Variants in DNAH12 observed in about 807,000 individuals in gnomAD.
DNAH12 encodes axonemal beta dynein heavy chain 12.
Under a neutral mutation model 371.5 loss-of-function variants are expected in DNAH12, and 285 were observed. That is an observed-to-expected ratio of 0.77 (90% CI 0.70 to 0.85). The LOEUF is 0.85. Ranked by LOEUF, DNAH12 falls within the 40% of genes least tolerant of loss-of-function variation. The pLI is 0.00. For missense variants in DNAH12, 3,611 were observed against 3,689.4 expected, an observed-to-expected ratio of 0.98 and a Z score of 0.55; for synonymous variants, 1,200 against 1,213.0, an observed-to-expected ratio of 0.99 and a Z score of 0.22.
chr3:57,419,579 C>T, intron 36 of DNAH12, 61 bp from the exon 37 acceptor site: 1 of 1,227,848 alleles, frequency 8.1e-7, no homozygotes, highest in Non-Finnish European at 1.1e-6. Context: ...CTGAAAGGCT[C>T]TTTTCAACAT....
intron 4 of DNAH12, chr3:57,519,877 A>G: frequency 1.1e-6 from 1 of 947,488 alleles, no homozygotes; most frequent in Non-Finnish European, 1.7e-6. Flanking sequence ...ATCTCACTCC[A>G]CGGCCCAGCT....
intron 4 of DNAH12, among the ~76,000 whole-genome samples, chr3:57,514,814 T>C (rs1413316500): frequency 6.6e-6 from 1 of 152,184 alleles, no homozygotes; most frequent in Non-Finnish European, 1.5e-5. Flanking sequence ...AATTACCTAT[T>C]GAAAAGGAGT....
chr3:57,429,726 G>A lies in DNAH12; in HGVS notation c.5029C>T (p.Leu1677Phe), dbSNP rs1054737413. 1.0e-5 allele frequency: 16 copies of A among 1,534,694 alleles called. No individual in the cohort carries two copies. In the Admixed American group the frequency reaches 3.1e-4, roughly 30 times the overall value. The stretch of plus-strand genomic sequence containing the variant: ...GAAAGGTCCATTGTTTCAAAGATGA[G>A]GCTCATTTGGGGGGACATCTGAATG... ...EIIQMSPQMS[L>F]IFETMDLSQA... Residue 1677 changes from leucine (L) to phenylalanine (F), a missense_variant, in exon 33 of 74, where the codon CTC becomes TTC. Coordinates refer to ENST00000495027, the MANE Select transcript of DNAH12 (RefSeq NM_001366028.2).
intron 58 of DNAH12, among the ~76,000 whole-genome samples, chr3:57,357,667 C>T (rs2062830959): frequency 6.6e-6 from 1 of 152,078 alleles, no homozygotes; most frequent in Non-Finnish European, 1.5e-5. Context: ...TGAGACATAC[C>T]AAATAAGAAA....
In DNAH12 at chr3:57,508,532, T is replaced by C. The variant is rs1181699276; in HGVS notation, c.551A>G (p.Asp184Gly). Residue 184 changes from aspartate (D) to glycine (G), a missense_variant, in exon 7 of 74, where the codon GAT becomes GGT. Transcript: ENST00000495027. Reference protein sequence around the residue: ...GPLPESPVGLDYSNPWHSSYV... With the variant: ...GPLPESPVGLGYSNPWHSSYV... ...GCTAGAATGCCAAGGATTAGAATAA[T>C]CTAGGCCTCTGGAAAAGCAAAACAC... 1.4e-5 allele frequency: 23 copies of C among 1,607,948 alleles called. No individual in the cohort carries two copies. Among genetic ancestry groups the C allele is most frequent in the Non-Finnish European group, 2.0e-5 (23 of 1,178,694 alleles).
chr3:57,340,738 T>C (rs2062373099), intron 60 of DNAH12, among the ~76,000 whole-genome samples: 1 of 152,190 alleles, frequency 6.6e-6, no homozygotes, highest in Non-Finnish European at 1.5e-5. Flanking sequence ...AGAACTAATA[T>C]TTTTAAAAAT....
chr3:57,306,611 G>A (rs550289677), intron 69 of DNAH12, among the ~76,000 whole-genome samples: 2 of 152,044 alleles, frequency 1.3e-5, no homozygotes, highest in East Asian at 1.9e-4. Context: ...CTTAGCGACC[G>A]ATCATGCACC....
intron 10 of DNAH12, among the ~76,000 whole-genome samples, 189 bp downstream of exon 10, chr3:57,502,134 C>G (rs903673917): frequency 2.0e-5 from 3 of 152,128 alleles, no homozygotes; most frequent in Admixed American, 2.0e-4. Context: ...GTCTCGATCT[C>G]CTGACCTTGT....
chr3:57,370,313 G>A (rs937744595), intron 55 of DNAH12, among the ~76,000 whole-genome samples: 15 of 152,234 alleles, frequency 9.9e-5, no homozygotes, highest in African/African-American at 3.6e-4. Flanking sequence ...GATATTCAAA[G>A]ATAATTATAA....
At chr3:57,355,388 AAAT>A (rs1433860124) in intron 59 of DNAH12, among the ~76,000 whole-genome samples, 1 of 152,158 alleles carries the variant, frequency 6.6e-6, no homozygotes. Flanking sequence ...TGAAATATAA[AAAT>A]AAACAAATGA....
chr3:57,483,688 G>A (rs993086425), intron 12 of DNAH12, among the ~76,000 whole-genome samples, 177 bp from the exon 13 acceptor site: 13 of 151,862 alleles, frequency 8.6e-5, no homozygotes, highest in Admixed American at 5.2e-4. Context: ...GCTCACACCT[G>A]TAATCATAGC....
At chr3:57,428,307 A>G (rs1373140398) in intron 34 of DNAH12, 1 of 1,030,690 alleles carries the variant, frequency 9.7e-7, no homozygotes, top group Non-Finnish European at 1.3e-6. Flanking sequence ...TTTCTCATAA[A>G]ATACTAAATA....
At position 57,458,163 on chromosome 3, in the gene DNAH12, G is replaced by A; in HGVS notation, c.2989C>T (p.Leu997Phe). ...AGACCTTTCATAATTTTCTCCAAAA[G>A]TTCATTGCAGTTCTGTAGTTTTTCC... ...LLEKLQNCNE[L>F]LEKIMKGLNA... Residue 997 changes from leucine to phenylalanine, a missense_variant, in exon 21 of 74, where the codon CTT becomes TTT. Transcript: ENST00000495027. 6.5e-7 allele frequency: 1 copy of A among 1,549,898 alleles called. No individual in the cohort carries two copies. The highest frequency in any genetic ancestry group is 8.7e-7 in the Non-Finnish European group (1 of 1,146,566).
intron 20 of DNAH12, 67 bp from the exon 21 acceptor site, chr3:57,458,287 T>C: frequency 2.0e-6 from 3 of 1,466,644 alleles, no homozygotes; most frequent in Non-Finnish European, 2.7e-6. Context: ...TAAATATCAA[T>C]CTATACTATA....
At chr3:57,525,756 CTTTTTTTTTTTT>C (rs776184662) in intron 2 of DNAH12, among the ~76,000 whole-genome samples, 2 of 76,274 alleles carry the variant, frequency 2.6e-5, no homozygotes, top group African/African-American at 1.1e-4. Flanking sequence ...ATGTCTTATT[CTTTTTTTTTTTT>C]TTTTTTTTTT....
At chr3:57,446,426 G>T in intron 26 of DNAH12, 111 bp downstream of exon 26, 1 of 1,430,194 alleles carries the variant, frequency 7.0e-7, no homozygotes, top group Non-Finnish European at 9.3e-7. Flanking sequence ...GAAAGTCCAA[G>T]TAATATTCAA....
In DNAH12 at chr3:57,478,987, C is replaced by A. The variant is rs1056496797; in HGVS notation, c.1650+4389G>T. On this transcript the variant is annotated intron_variant, in intron 13 of 73. Transcript: ENST00000495027. ...GCAAAAACGTGCCAAATTGTAAAGACCATCGAGGCTAGGAAGAAACTGCAT... is the reference window on the plus strand; with the variant it reads ...GCAAAAACGTGCCAAATTGTAAAGAACATCGAGGCTAGGAAGAAACTGCAT... 3.3e-5 allele frequency among the ~76,000 whole-genome samples: 5 copies of A among 152,258 alleles called. No homozygotes were observed. In the East Asian group the frequency reaches 9.6e-4, roughly 29 times the overall value.
rs1286159200 is a variant in DNAH12 at position 57,368,139 on chromosome 3, TAC to T, written c.8879_8880del (p.Cys2960TyrfsTer14). ...DSDYMRTLEN[C>X]IQFGTPLLLE... ...AATAGAAGTGGAGTTCCAAACTGAA[TAC>T]AGTTTTCCAATGTTCTCATATAGTC... On this transcript the variant is annotated frameshift_variant, in exon 56 of 74. Coordinates refer to ENST00000495027, the MANE Select transcript of DNAH12 (RefSeq NM_001366028.2). LOFTEE classifies it high-confidence loss of function. 1.3e-5 allele frequency: 2 copies of T among 152,238 alleles called. No individual in the cohort carries two copies. The highest frequency in any genetic ancestry group is 6.5e-5 in the Admixed American group (1 of 15,284). The allele number at this position is 152,238 out of a possible 1,614,324, so 9.4% of individuals were successfully genotyped here.
At chr3:57,523,652 T>C (rs1224243898) in intron 3 of DNAH12, 43 bp from the exon 4 acceptor site, 6 of 1,434,266 alleles carry the variant, frequency 4.2e-6, no homozygotes, top group African/African-American at 2.9e-5. Context: ...AGGAGAACAT[T>C]TTAAAATTAA....
Sources: gnomAD v4.1 joint callset for allele counts (sites outside exome capture counted in the v4.1 genomes callset) on GRCh38, gnomAD v4.1.1 for gene constraint, MANE v1.5 for transcripts, NCBI Gene and HGNC (gene_info 2026-07-23, HGNC 2026-07-21) for gene names.